Variants in NUP214 observed in about 807,000 individuals in gnomAD.
NUP214 encodes the protein nucleoporin 214.
NUP214 carries 79 observed loss-of-function variants against 196.2 expected under a neutral mutation model. The ratio of observed to expected loss-of-function variants is 0.40; its 90% CI spans 0.34 to 0.49. The LOEUF is 0.49. Ranked by LOEUF, NUP214 falls within the 20% of genes least tolerant of loss-of-function variation. The pLI, the probability that NUP214 is intolerant of heterozygous loss-of-function variation, is 0.58. For missense variants in NUP214, 2,468 were observed against 2,539.0 expected (o/e 0.97, Z 0.60); for synonymous variants, 1,020 against 990.5 (o/e 1.03, Z -0.56).
At chr9:131,205,006 A>T (rs1349950119) in intron 30 of NUP214, among the ~76,000 whole-genome samples, 3 of 152,208 alleles carry the variant, frequency 2.0e-5, no homozygotes, top group Non-Finnish European at 4.4e-5. Context: ...CAGCAAAAAA[A>T]TATCTATAAA....
At chr9:131,141,017 C>T (rs1356981233) in intron 11 of NUP214, among the ~76,000 whole-genome samples, 1 of 151,974 alleles carries the variant, frequency 6.6e-6, no homozygotes, top group Non-Finnish European at 1.5e-5. Context: ...ATCCAAAAGA[C>T]ATTGTGCTTA....
Position 131,151,791 on chromosome 9 carries a change from G to C in NUP214, c.2333G>C (p.Gly778Ala), listed in dbSNP as rs1832275893. 6 of 1,613,614 alleles carry C rather than the reference G, an allele frequency of 3.7e-6. No homozygotes were observed. The highest frequency in any genetic ancestry group is 5.1e-6 in the Non-Finnish European group (6 of 1,179,908). ...ACAACTTTACTTGAGGGCTTTGCTG[G>C]TGTTGAGGAAGCCAGAGAACAAAAT... ...LKTTLLEGFA[G>A]VEEAREQNER... The change falls in exon 17 of 36, where the codon GGT becomes GCT. Residue 778 changes from glycine to alanine, a missense_variant. Transcript: ENST00000359428.
At position 131,192,217 on chromosome 9, in the gene NUP214, A is replaced by G; in HGVS notation, c.3584A>G (p.Lys1195Arg). ...TTTTCCATAATTTCAGGGACAGCCA[A>G]GATAGAAACAGCTGTGACTTCAACC... is the stretch of plus-strand genomic sequence containing the variant. ...SSGDKASGTA[K>R]IETAVTSTPS... Residue 1195 changes from lysine to arginine, a missense_variant, in exon 27 of 36, where the codon AAG (lysine) becomes AGG (arginine). Around this residue, in one of 5 missense-constraint regions of NUP214, gnomAD observed 1,801 missense variants for 1,779.4 expected, o/e 1.01. Coordinates refer to ENST00000359428, the MANE Select transcript of NUP214 (RefSeq NM_005085.4). 1 of 1,313,814 alleles carries G rather than the reference A, an allele frequency of 7.6e-7. No individual in the cohort carries two copies. Among genetic ancestry groups the G allele is most frequent in the Non-Finnish European group, 1.0e-6 (1 of 953,328 alleles). The allele number at this position is 1,313,814 out of a possible 1,614,324, so 81.4% of individuals were successfully genotyped here. A position where few individuals can be genotyped will look rare whatever the true frequency, so the allele number is the denominator to read the frequency against.
chr9:131,191,161 C>T (rs1431018429), intron 26 of NUP214: 1 of 151,474 alleles, frequency 6.6e-6, no homozygotes, highest in East Asian at 1.9e-4. Flanking sequence ...TCTTTCCTTT[C>T]CCCCTTTTGA....
In NUP214 at chr9:131,140,625, G is replaced by C; in HGVS notation, c.1209G>C (p.Met403Ile). 2 of 1,613,924 alleles carry C rather than the reference G, an allele frequency of 1.2e-6. No individual in the cohort carries two copies. The highest frequency in any genetic ancestry group is 2.2e-5 in the South Asian group (2 of 91,050). ...STDGVLCPFY[M>I]INQNPGVKSL... ...ATGGTGTGCTTTGTCCATTTTATAT[G>C]ATTAATCAAAATCCTGGGGTTAAGT... Residue 403 changes from methionine (M) to isoleucine (I), a missense_variant, in exon 11 of 36, where the codon ATG (methionine) becomes ATC (isoleucine). Around this residue, in one of 5 missense-constraint regions of NUP214, gnomAD observed 1,801 missense variants for 1,779.4 expected, o/e 1.01. Coordinates refer to ENST00000359428, the MANE Select transcript of NUP214 (RefSeq NM_005085.4).
chr9:131,157,921 C>G (rs1031076637), intron 17 of NUP214, among the ~76,000 whole-genome samples: 1 of 152,288 alleles, frequency 6.6e-6, no homozygotes, highest in Middle Eastern at 3.4e-3. Flanking sequence ...ACTGGGATTA[C>G]AGGCATGAGC....
rs111538845 is a variant in NUP214, at chr9:131,201,617, T to C, written c.5522-30T>C. On this transcript the variant is annotated intron_variant, in intron 29 of 35. Coordinates refer to ENST00000359428, the MANE Select transcript of NUP214 (RefSeq NM_005085.4). ...TTGTAAAAGACTCATCCAATCCAAA[T>C]TGAATTTTTGTTTTCTTTGTATTTT... 167 of 1,574,746 alleles carry C rather than the reference T, an allele frequency of 1.1e-4. No homozygotes were observed. In the African/African-American group the frequency reaches 2.0e-3, roughly 18 times the overall value.
At position 131,146,442 on chromosome 9, in the gene NUP214, G is replaced by GTA; in HGVS notation, c.1945+139_1945+140insAT. ...CCTGTATCATACATTAATGATTAAT[G>GTA]TGCTGTGATTTTCATACTCTGAATT... On this transcript the variant is annotated intron_variant, in intron 13 of 35. Coordinates refer to ENST00000359428, the MANE Select transcript of NUP214 (RefSeq NM_005085.4). The surrounding 1 kb of genome is among the most constrained non-coding windows in gnomAD (Gnocchi z 4.6). 2 of 848,302 alleles carry GTA rather than the reference G, an allele frequency of 2.4e-6. No homozygotes were observed. Among genetic ancestry groups the GTA allele is most frequent in the Non-Finnish European group, 3.7e-6 (2 of 543,146 alleles). The allele number at this position is 848,302 out of a possible 1,614,324, so 52.5% of individuals were successfully genotyped here.
chr9:131,205,565 T>C (rs967645325), intron 30 of NUP214, among the ~76,000 whole-genome samples: 4 of 152,230 alleles, frequency 2.6e-5, no homozygotes, highest in African/African-American at 9.6e-5. Context: ...TCTTAATAGC[T>C]AAACACAGGA....
In NUP214 at chr9:131,163,947, A is replaced by G. The variant is rs763357565; in HGVS notation, c.2801A>G (p.Lys934Arg). 6.2e-7 allele frequency: 1 copy of G among 1,614,078 alleles called. No homozygotes were observed. Among genetic ancestry groups the G allele is most frequent in the Non-Finnish European group, 8.5e-7 (1 of 1,179,970 alleles). ...TIESHTKSLP[K>R]VPAKLSPMKQ... ...GAATCTCACACCAAATCCTTGCCCA[A>G]AGTACCAGGTAATTGCATCCTTCCC... The change falls in exon 20 of 36, where the codon AAA (lysine) becomes AGA (arginine). Residue 934 changes from lysine to arginine, a missense_variant. This residue lies in a region of NUP214 where 1,801 missense variants were observed against 1,779.4 expected (regional missense o/e 1.01). Coordinates refer to ENST00000359428, the MANE Select transcript of NUP214 (RefSeq NM_005085.4).
At chr9:131,219,349 T>G (rs1164436704) in intron 31 of NUP214, among the ~76,000 whole-genome samples, 1 of 152,184 alleles carries the variant, frequency 6.6e-6, no homozygotes, top group East Asian at 1.9e-4. Flanking sequence ...TGGGCAACAT[T>G]TATGCATGGA....
At chr9:131,166,569 C>T (rs1238741666) in intron 21 of NUP214, among the ~76,000 whole-genome samples, 1 of 152,140 alleles carries the variant, frequency 6.6e-6, no homozygotes, top group Non-Finnish European at 1.5e-5. Flanking sequence ...CATGTAAACA[C>T]TTTGAATTTT....
intron 27 of NUP214, among the ~76,000 whole-genome samples, chr9:131,194,464 C>T (rs1221078164): frequency 6.6e-6 from 1 of 152,156 alleles, no homozygotes; most frequent in Non-Finnish European, 1.5e-5. Context: ...TCTCAAACTC[C>T]TGGGCTCAAA....
chr9:131,187,207 G>T, intron 24 of NUP214, 82 bp from the exon 25 acceptor site: 1 of 1,209,984 alleles, frequency 8.3e-7, no homozygotes, highest in Non-Finnish European at 1.2e-6. Flanking sequence ...ATTGTATATT[G>T]GACAGAAGGT....
In NUP214 at chr9:131,174,076, T is replaced by C; in HGVS notation, c.2915T>C (p.Phe972Ser). 2 of 1,613,400 alleles carry C rather than the reference T, an allele frequency of 1.2e-6. No individual in the cohort carries two copies. Among genetic ancestry groups the C allele is most frequent in the Non-Finnish European group, 1.7e-6 (2 of 1,179,734 alleles). The change falls in exon 22 of 36, where the codon TTT becomes TCT. Residue 972 changes from phenylalanine (F) to serine (S), a missense_variant. Physicochemically the swap from Phe to Ser is radical, Grantham distance 155 (BLOSUM62 -2). Around this residue, in one of 5 missense-constraint regions of NUP214, gnomAD observed 1,801 missense variants for 1,779.4 expected, o/e 1.01. Coordinates refer to ENST00000359428, the MANE Select transcript of NUP214 (RefSeq NM_005085.4). The part of the protein sequence containing the change: ...TAPASLSRSA[F>S]LSQRYYEDLD... The stretch of plus-strand genomic sequence containing the variant: ...GTAGCCAGCCTGTCTCGATCAGCCT[T>C]TCTGTCTCAGAGATATTATGAAGAC...
In NUP214 at chr9:131,198,436, C is replaced by A. The variant is rs1201714484; in HGVS notation, c.4942C>A (p.Pro1648Thr). Residue 1648 changes from proline (P) to threonine (T), a missense_variant, in exon 29 of 36, where the codon CCT becomes ACT. Around this residue, in one of 5 missense-constraint regions of NUP214, gnomAD observed 1,801 missense variants for 1,779.4 expected, o/e 1.01. Transcript: ENST00000359428. Reference protein sequence around the residue: ...VTSGSSVFAQPPAASSSSAFN... With the variant: ...VTSGSSVFAQTPAASSSSAFN... ...TTCTGGCTCATCCGTCTTTGCTCAG[C>A]CTCCTGCTGCCAGTTCTAGCTCAGC... 6.2e-7 allele frequency: 1 copy of A among 1,614,132 alleles called. No homozygotes were observed. The highest frequency in any genetic ancestry group is 1.7e-5 in the Admixed American group (1 of 60,012).
chr9:131,132,176 A>G (rs540619374), intron 5 of NUP214, among the ~76,000 whole-genome samples: 13 of 140,292 alleles, frequency 9.3e-5, no homozygotes, highest in African/African-American at 3.0e-4. Flanking sequence ...CTGGAGTGCA[A>G]TGACGTGATT....
Position 131,222,759 on chromosome 9 carries a change from C to G in NUP214, c.5750-19C>G. The G allele has an allele frequency of 6.2e-7, 1 of 1,607,584 alleles. No individual in the cohort carries two copies. Among genetic ancestry groups the G allele is most frequent in the Non-Finnish European group, 8.5e-7 (1 of 1,175,056 alleles). On this transcript the variant is annotated intron_variant, in intron 31 of 35. Transcript: ENST00000359428. ...ACATTTGTCTCCCTCTGACCTCCCT[C>G]ACATCTTCATCTCTTCAGATACCTC...
In NUP214 at chr9:131,125,919, G is replaced by A. The variant is rs1461087153; in HGVS notation, c.45+170G>A. On this transcript the variant is annotated intron_variant, in intron 1 of 35. Coordinates refer to ENST00000359428, the MANE Select transcript of NUP214 (RefSeq NM_005085.4). This position sits in a 1 kb window ranked among gnomAD's most constrained non-coding sequence, Gnocchi z 4.1. ...GCGCCGCTGGCGTGATAGCCCCACC[G>A]AATGCAGTTTCCCAGTCCCATCCTG... 3 of 773,832 alleles carry A rather than the reference G, an allele frequency of 3.9e-6. No homozygotes were observed. The highest frequency in any genetic ancestry group is 1.7e-5 in the South Asian group (1 of 60,286). The allele number at this position is 773,832 out of a possible 1,614,324, so 47.9% of individuals were successfully genotyped here. A position where few individuals can be genotyped will look rare whatever the true frequency, so the allele number is the denominator to read the frequency against.
Sources: gnomAD v4.1 joint callset for allele counts (sites outside exome capture counted in the v4.1 genomes callset) on GRCh38, gnomAD v4.1.1 for gene constraint, gnomAD v4.1.1 regional missense constraint, Gnocchi (gnomAD v3.1) non-coding constraint, MANE v1.5 for transcripts, NCBI Gene and HGNC (gene_info 2026-07-23, HGNC 2026-07-21) for gene names.